HNRNPA2B1: variants seen among roughly 807,000 people sequenced by gnomAD.
HNRNPA2B1 encodes heterogeneous nuclear ribonucleoprotein A2/B1, also known as heterogeneous nuclear ribonucleoproteins A2/B1.
Under a neutral mutation model 46.3 loss-of-function variants are expected in HNRNPA2B1, and 3 were observed. The observed-to-expected ratio is 0.06, with a 90% CI of 0.03 to 0.17. The LOEUF is 0.17. HNRNPA2B1 is among the 10% of genes least tolerant of loss of function. HNRNPA2B1 has a pLI of 1.00. For missense variants in HNRNPA2B1, 221 were observed against 418.9 expected (o/e 0.53, Z 4.12); for synonymous variants, 225 against 133.8 (o/e 1.68, Z -4.70).
rs573004577 is a variant in HNRNPA2B1, at chr7:26,199,770, G to A, written c.6+802C>T. The A allele has an allele frequency of 2.6e-5, 4 of 152,252 alleles. No individual in the cohort carries two copies. In the South Asian group the frequency reaches 6.2e-4, roughly 24 times the overall value. The allele number at this position is 152,252 out of a possible 1,614,324, so 9.4% of individuals were successfully genotyped here. ...GTTACTCAAAGGAAAAAAAAGACAGGAAAAACATAAAATGGTTTCTTTGTC... is the reference window on the plus strand; with the variant it reads ...GTTACTCAAAGGAAAAAAAAGACAGAAAAAACATAAAATGGTTTCTTTGTC... On this transcript the variant is annotated intron_variant, in intron 1 of 10. Coordinates refer to ENST00000618183, the MANE Select transcript of HNRNPA2B1 (RefSeq NM_002137.4).
rs895910368 is a variant in HNRNPA2B1, at chr7:26,192,273, T to C, written c.*87A>G. 1.5e-5 allele frequency: 7 copies of C among 479,246 alleles called. No individual in the cohort carries two copies. The highest frequency in any genetic ancestry group is 1.1e-5 in the Non-Finnish European group (3 of 267,928). 29.7% of individuals were successfully genotyped at this position (479,246 alleles called of 1,614,324 possible). ...GATAAGAGTTTCCTTAACATTGTTA[T>C]TTCGATAACCTGAAGCTGTTCTGTT... On this transcript the variant is annotated 3_prime_UTR_variant, in exon 11 of 11. Coordinates refer to ENST00000618183, the MANE Select transcript of HNRNPA2B1 (RefSeq NM_002137.4).
intron 1 of HNRNPA2B1, 190 bp from the exon 2 acceptor site, chr7:26,197,922 T>C: frequency 7.3e-7 from 1 of 1,363,490 alleles, no homozygotes. Flanking sequence ...AACTGCATAT[T>C]AGTTGTGTTA....
chr7:26,192,958 T>C (rs956399714), intron 9 of HNRNPA2B1, among the ~76,000 whole-genome samples: 1 of 152,170 alleles, frequency 6.6e-6, no homozygotes, highest in Non-Finnish European at 1.5e-5. Context: ...CTCATTCCAA[T>C]GTATACCACT....
chr7:26,197,110 C>T (rs1783728726), intron 3 of HNRNPA2B1, 93 bp from the exon 4 acceptor site: 1 of 1,145,404 alleles, frequency 8.7e-7, no homozygotes, highest in Non-Finnish European at 1.3e-6. Context: ...TCGCTTGTAT[C>T]CACCTTAAAA....
chr7:26,192,777 T>C (rs1017100674), intron 9 of HNRNPA2B1, among the ~76,000 whole-genome samples, 200 bp from the exon 10 acceptor site: 1 of 152,228 alleles, frequency 6.6e-6, no homozygotes, highest in Non-Finnish European at 1.5e-5. Context: ...CTGACCCTAT[T>C]CTTTTAAATA....
intron 1 of HNRNPA2B1, 200 bp downstream of exon 1, chr7:26,200,372 C>G: frequency 1.5e-6 from 1 of 645,988 alleles, no homozygotes; most frequent in Non-Finnish European, 2.8e-6. Flanking sequence ...GGAAATGGCG[C>G]CGGGAGGCTG....
At chr7:26,195,970 T>C (rs971491730) in intron 6 of HNRNPA2B1, 61 bp from the exon 7 acceptor site, 37 of 1,535,354 alleles carry the variant, frequency 2.4e-5, no homozygotes, top group Admixed American at 2.1e-4. Flanking sequence ...TTGCTAATAT[T>C]CATTTTCAGT....
rs1782846948 is a variant in HNRNPA2B1, at chr7:26,190,967, G to C, written c.*1393C>G. 6.6e-6 allele frequency: 1 copy of C among 152,572 alleles called. No individual in the cohort carries two copies. The highest frequency in any genetic ancestry group is 2.4e-5 in the African/African-American group (1 of 41,442). 9.5% of individuals were successfully genotyped at this position (152,572 alleles called of 1,614,324 possible). ...ACGATGGGAAATCTCATGATTTATT[G>C]AACTTGCAGCCTAACTTTTACCTAC... On this transcript the variant is annotated 3_prime_UTR_variant, in exon 11 of 11. Coordinates refer to ENST00000618183, the MANE Select transcript of HNRNPA2B1 (RefSeq NM_002137.4).
Position 26,192,120 on chromosome 7 carries a change from A to AT in HNRNPA2B1, c.*239dup, listed in dbSNP as rs201198080. On this transcript the variant is annotated 3_prime_UTR_variant, in exon 11 of 11. Transcript: ENST00000618183. ...AAAGCTAAGAAACTGTCTCAAAGGC[A>AT]TTTTTTTTTACAATCCTTCCTCCAC... 4.7e-4 allele frequency: 75 copies of AT among 160,348 alleles called. No homozygotes were observed. The highest frequency in any genetic ancestry group is 2.5e-3 in the East Asian group (14 of 5,598). The allele number at this position is 160,348 out of a possible 1,614,324, so 9.9% of individuals were successfully genotyped here.
chr7:26,200,688 T>C lies in HNRNPA2B1; in HGVS notation c.-111A>G. On this transcript the variant is annotated 5_prime_UTR_variant, in exon 1 of 11. Transcript: ENST00000618183. Reference sequence around the variant, plus strand: ...CTGGCGCTGTAGTGAGAACTGCCGCTGCTCGAGAAACAACTCTGCGAGGAG... The same window carrying C: ...CTGGCGCTGTAGTGAGAACTGCCGCCGCTCGAGAAACAACTCTGCGAGGAG... The C allele has an allele frequency of 7.3e-7, 1 of 1,377,328 alleles. No individual in the cohort carries two copies. The highest frequency in any genetic ancestry group is 1.7e-5 in the Admixed American group (1 of 59,722). The allele number at this position is 1,377,328 out of a possible 1,614,324, so 85.3% of individuals were successfully genotyped here. A position where few individuals can be genotyped will look rare whatever the true frequency, so the allele number is the denominator to read the frequency against.
Position 26,193,366 on chromosome 7 carries a change from A to G in HNRNPA2B1, c.849T>C (p.Tyr283=), listed in dbSNP as rs781769415. The G allele has an allele frequency of 7.5e-6, 12 of 1,610,334 alleles. No homozygotes were observed. The highest frequency in any genetic ancestry group is 2.2e-5 in the East Asian group (1 of 44,850). Residue 283 remains tyrosine, a synonymous_variant, in exon 9 of 11, where the codon TAT becomes TAC. Coordinates refer to ENST00000618183, the MANE Select transcript of HNRNPA2B1 (RefSeq NM_002137.4). ...GGYDNYGGGN[Y]GSGNYNDFGN... is the part of the protein sequence containing the mutation. ...CAAAATCATTGTAATTTCCACTTCCATAATTTCCTATTAAAAAATTGGAAT... is the reference window on the plus strand; with the variant it reads ...CAAAATCATTGTAATTTCCACTTCCGTAATTTCCTATTAAAAAATTGGAAT...
chr7:26,193,625 T>C lies in HNRNPA2B1; in HGVS notation c.791A>G (p.Tyr264Cys), dbSNP rs745389971. The change falls in exon 8 of 11, where the codon TAT (tyrosine) becomes TGT (cysteine). Residue 264 changes from tyrosine (Y) to cysteine (C), a missense_variant. By Grantham distance (194) the Tyr-to-Cys change is radical. Transcript: ENST00000618183. ...TCCGTAGCCCCCACCCTGGTTGCCA[T>C]ATCCAGGTCCTCCACCACCATATCC... is the stretch of plus-strand genomic sequence containing the variant. ...RGGYGGGGPG[Y>C]GNQGGGYGGG... 1.9e-6 allele frequency: 3 copies of C among 1,611,658 alleles called. No individual in the cohort carries two copies. The highest frequency in any genetic ancestry group is 2.5e-6 in the Non-Finnish European group (3 of 1,179,122).
intron 1 of HNRNPA2B1, chr7:26,198,556 T>A (rs1428293543): frequency 1.3e-5 from 2 of 152,212 alleles, no homozygotes; most frequent in African/African-American, 4.8e-5. Context: ...TAACAATTAC[T>A]GAAAGCTGAA....
chr7:26,193,087 G>A (rs1783095090), intron 9 of HNRNPA2B1, among the ~76,000 whole-genome samples, 164 bp downstream of exon 9: 1 of 152,054 alleles, frequency 6.6e-6, no homozygotes, highest in South Asian at 2.1e-4. Context: ...TGCTTGCTGA[G>A]TACTTCTGTG....
intron 7 of HNRNPA2B1, among the ~76,000 whole-genome samples, chr7:26,194,748 A>G (rs1216679672): frequency 6.6e-6 from 1 of 151,912 alleles, no homozygotes; most frequent in Non-Finnish European, 1.5e-5. Flanking sequence ...TGTAAATAGA[A>G]GTGCGGACAT....
In HNRNPA2B1 at chr7:26,194,918, A is replaced by G. The variant is rs1220742756; in HGVS notation, c.721+929T>C. On this transcript the variant is annotated intron_variant, in intron 7 of 10. Transcript: ENST00000618183. The stretch of plus-strand genomic sequence containing the variant: ...AGACCAGCCTGACCAACATGGGGAA[A>G]CCCCGTCTCTACTAAAAATACTAAA... 7.9e-5 allele frequency among the ~76,000 whole-genome samples: 12 copies of G among 151,722 alleles called. No homozygotes were observed. The South Asian group carries it at 2.1e-3, about 26-fold the overall frequency.
Position 26,192,649 on chromosome 7 carries a change from G to C in HNRNPA2B1, c.965-72C>G. 2.4e-6 allele frequency: 3 copies of C among 1,231,802 alleles called. No individual in the cohort carries two copies. In the East Asian group the frequency reaches 7.0e-5, roughly 29 times the overall value. 76.3% of individuals were successfully genotyped at this position (1,231,802 alleles called of 1,614,324 possible). ...CCATGATCAGCCTAACACTACAGTT[G>C]ATTCTATTTTATATCCATCCAGTCT... On this transcript the variant is annotated intron_variant, in intron 9 of 10. Coordinates refer to ENST00000618183, the MANE Select transcript of HNRNPA2B1 (RefSeq NM_002137.4).
intron 1 of HNRNPA2B1, chr7:26,200,221 C>A (rs866401309): frequency 3.2e-6 from 1 of 312,526 alleles, no homozygotes; most frequent in Non-Finnish European, 6.1e-6. Flanking sequence ...CCCGCCGAAA[C>A]GCTCGCCGAG....
At chr7:26,195,645 T>G in intron 7 of HNRNPA2B1, 1 of 554,120 alleles carries the variant, frequency 1.8e-6, no homozygotes. Context: ...TCTTTACATT[T>G]TCATTTAAAA....
Sources: allele counts gnomAD v4.1 joint callset (sites outside exome capture counted in the v4.1 genomes callset), GRCh38; gene constraint gnomAD v4.1.1; transcripts MANE v1.5; gene names NCBI Gene and HGNC (gene_info 2026-07-23, HGNC 2026-07-21).